Variants in CALD1 observed in about 807,000 individuals in gnomAD.
The protein encoded by CALD1 is caldesmon 1.
In CALD1, 33 loss-of-function variants were observed where a neutral mutation model predicts 99.9. That is an observed-to-expected ratio of 0.33 (90% confidence interval 0.25 to 0.44). The LOEUF (loss-of-function observed/expected upper bound fraction) is 0.44, where lower values mean the gene tolerates loss of function less well. Ranked by LOEUF, CALD1 falls within the 20% of genes least tolerant of loss-of-function variation. The pLI is 1.00. For synonymous variants in CALD1, 310 were observed against 325.0 expected, an observed-to-expected ratio of 0.95 and a Z score of 0.50; for missense variants, 861 against 962.1, an observed-to-expected ratio of 0.89 and a Z score of 1.39.
chr7:134,857,437 G>GT, intron 2 of CALD1, among the ~76,000 whole-genome samples: 1 of 152,026 alleles, frequency 6.6e-6, no homozygotes, highest in South Asian at 2.1e-4. Flanking sequence ...GATTACAAGC[G>GT]TGAGCCACCG....
intron 6 of CALD1, among the ~76,000 whole-genome samples, chr7:134,940,005 T>C (rs1187754024): frequency 6.6e-6 from 1 of 151,682 alleles, no homozygotes; most frequent in Non-Finnish European, 1.5e-5. Context: ...CTTCACAGAG[T>C]ATCTGAAGAA....
chr7:134,934,054 C>T lies in CALD1; in HGVS notation c.1285C>T (p.Gln429Ter). The T allele has an allele frequency of 6.2e-7, 1 of 1,611,302 alleles. No homozygotes were observed. Among genetic ancestry groups the T allele is most frequent in the South Asian group, 1.1e-5 (1 of 90,688 alleles). The change falls in exon 5 of 15, where the codon CAG (glutamine) becomes TAG (stop). Residue 429 changes from glutamine (Q) to a stop codon, truncating the protein, a stop_gained. Coordinates refer to ENST00000361675, the MANE Select transcript of CALD1 (RefSeq NM_033138.4). LOFTEE classifies it high-confidence loss of function. ...NEKKAQEDKL[Q>*]TAVLKKQGEE... ...AAAGAAAGCACAAGAAGATAAACTT[C>T]AGACAGCTGTCCTAAAGAAACAGGT...
chr7:134,751,363 C>T (rs1047877386), intron 1 of CALD1, among the ~76,000 whole-genome samples: 6 of 152,154 alleles, frequency 3.9e-5, no homozygotes, highest in African/African-American at 7.2e-5. Context: ...TTTGGGGGTG[C>T]GATTCCCAGG....
chr7:134,856,941 G>A lies in CALD1; in HGVS notation c.-41-10752G>A, dbSNP rs561821821. 4.6e-5 allele frequency among the ~76,000 whole-genome samples: 7 copies of A among 152,240 alleles called. No homozygotes were observed. In the East Asian group the frequency reaches 9.6e-4, roughly 21 times the overall value. ...AACTCAACAAGTGTGAGCCTAATGCGGAGTATAAGAAAAACAGTCAGTTAA... is the reference window on the plus strand; with the variant it reads ...AACTCAACAAGTGTGAGCCTAATGCAGAGTATAAGAAAAACAGTCAGTTAA... On this transcript the variant is annotated intron_variant, in intron 2 of 14. Transcript: ENST00000361675.
intron 3 of CALD1, among the ~76,000 whole-genome samples, chr7:134,897,960 C>A (rs954619964): frequency 6.6e-6 from 1 of 152,136 alleles, no homozygotes; most frequent in South Asian, 2.1e-4. Context: ...CCTCCCACCT[C>A]GGCCTCCCAA....
chr7:134,916,490 G>T (rs147960737), intron 3 of CALD1, among the ~76,000 whole-genome samples: 14 of 152,198 alleles, frequency 9.2e-5, no homozygotes, highest in African/African-American at 3.4e-4. Context: ...ATCATAAAAG[G>T]CCTGTTATGA....
upstream of CALD1, among the ~76,000 whole-genome samples, chr7:134,739,313 G>T (rs948204449): frequency 6.6e-6 from 1 of 152,132 alleles, no homozygotes; most frequent in Admixed American, 6.5e-5. Context: ...ACTTATCCAA[G>T]GTTACATTTA....
In CALD1 at chr7:134,970,669, C is replaced by T. The variant is rs999035198; in HGVS notation, c.*2324C>T. The T allele has an allele frequency of 6.6e-6, 1 of 152,326 alleles. No homozygotes were observed. The highest frequency in any genetic ancestry group is 2.4e-5 in the African/African-American group (1 of 41,350). 9.4% of individuals were successfully genotyped at this position (152,326 alleles called of 1,614,324 possible). A position where few individuals can be genotyped will look rare whatever the true frequency, so the allele number is the denominator to read the frequency against. On this transcript the variant is annotated 3_prime_UTR_variant, in exon 15 of 15. Coordinates refer to ENST00000361675, the MANE Select transcript of CALD1 (RefSeq NM_033138.4). ...TCTTTTTCTCACTTATTTTTATGTA[C>T]AATATTGATAGTGAGAGGTATGTCT... is the stretch of plus-strand genomic sequence containing the variant.
Position 134,933,337 on chromosome 7 carries a change from AAGG to A in CALD1, c.579_581del (p.Glu196del), listed in dbSNP as rs923275866. On this transcript the variant is annotated inframe_deletion, in exon 5 of 15. Transcript: ENST00000361675. Reference sequence around the variant, plus strand: ...AGAAAACAAGAAAGAAGACAAGGAAAAGGAGGAGGAGGAAGAGGAGAAGCCAAA... The same window carrying A: ...AGAAAACAAGAAAGAAGACAAGGAAAAGGAGGAGGAAGAGGAGAAGCCAAA... 2 of 1,603,048 alleles carry A rather than the reference AAGG, an allele frequency of 1.2e-6. No homozygotes were observed. Among genetic ancestry groups the A allele is most frequent in the African/African-American group, 2.7e-5 (2 of 74,048 alleles).
chr7:134,815,276 T>C (rs1798517054), intron 1 of CALD1, among the ~76,000 whole-genome samples: 1 of 152,170 alleles, frequency 6.6e-6, no homozygotes, highest in Non-Finnish European at 1.5e-5. Flanking sequence ...ACTATCAAAT[T>C]GCTTGTATGT....
At chr7:134,777,228 A>G (rs1254568533), upstream of CALD1, among the ~76,000 whole-genome samples, 2 of 152,198 alleles carry the variant, frequency 1.3e-5, no homozygotes, top group Admixed American at 6.5e-5. Flanking sequence ...GAATTTTTCA[A>G]TATCATGGTA....
At chr7:134,801,675 C>G (rs1021621901) in intron 1 of CALD1, among the ~76,000 whole-genome samples, 1 of 152,064 alleles carries the variant, frequency 6.6e-6, no homozygotes. Context: ...GCTCCAGTGC[C>G]GTAGCACAGC....
chr7:134,771,676 C>T (rs1796878967), intron 1 of CALD1, among the ~76,000 whole-genome samples: 1 of 152,166 alleles, frequency 6.6e-6, no homozygotes, highest in Admixed American at 6.5e-5. Flanking sequence ...TTAGAACAAG[C>T]CCCGCAGTAC....
chr7:134,812,788 G>T (rs1451308745), intron 1 of CALD1, among the ~76,000 whole-genome samples: 3 of 152,152 alleles, frequency 2.0e-5, no homozygotes, highest in Admixed American at 2.0e-4. Context: ...ACAAGTCTGG[G>T]GTTCAGGGAA....
At chr7:134,943,154 G>C (rs1012049395) in intron 7 of CALD1, among the ~76,000 whole-genome samples, 2 of 152,144 alleles carry the variant, frequency 1.3e-5, no homozygotes, top group Admixed American at 1.3e-4. Context: ...AAAATGAGGA[G>C]AGAGGAAGAG....
chr7:134,884,906 T>C (rs993268444), intron 3 of CALD1, among the ~76,000 whole-genome samples: 1 of 152,300 alleles, frequency 6.6e-6, no homozygotes, highest in African/African-American at 2.4e-5. Flanking sequence ...TAAGACTGTG[T>C]ATTTGTATTT....
At chr7:134,823,869 A>G (rs1269084082) in intron 1 of CALD1, among the ~76,000 whole-genome samples, 1 of 152,230 alleles carries the variant, frequency 6.6e-6, no homozygotes, top group Non-Finnish European at 1.5e-5. Flanking sequence ...TAGCCATCTG[A>G]CAAAGAAAGA....
the CALD1 span, among the ~76,000 whole-genome samples, chr7:134,722,899 G>A: frequency 6.6e-6 from 1 of 152,272 alleles, no homozygotes; most frequent in East Asian, 1.9e-4. Context: ...GGGACTCACA[G>A]TTAACTTCTG....
chr7:134,735,370 T>G, the CALD1 span, among the ~76,000 whole-genome samples: 2 of 152,186 alleles, frequency 1.3e-5, no homozygotes, highest in African/African-American at 4.8e-5. Context: ...CACACACCAT[T>G]CAGTATATTT....
Sources: gnomAD v4.1 joint callset for allele counts (sites outside exome capture counted in the v4.1 genomes callset) on GRCh38, gnomAD v4.1.1 for gene constraint, MANE v1.5 for transcripts, NCBI Gene and HGNC (gene_info 2026-07-23, HGNC 2026-07-21) for gene names.